Variants in ABCD3 observed in about 807,000 individuals in gnomAD.
The protein encoded by ABCD3 is ATP-binding cassette sub-family D member 3.
A neutral mutation model predicts 105.5 loss-of-function variants in ABCD3; 41 were observed. That is an observed-to-expected ratio of 0.39 (90% CI 0.30 to 0.50). The LOEUF (loss-of-function observed/expected upper bound fraction) is 0.50. Ranked by LOEUF, ABCD3 falls within the 20% of genes least tolerant of loss-of-function variation. ABCD3 has a pLI of 0.84. For synonymous variants in ABCD3, 258 were observed against 269.0 expected (o/e 0.96, Z 0.40); for missense variants, 622 against 806.3 (o/e 0.77, Z 2.77).
intron 21 of ABCD3, among the ~76,000 whole-genome samples, chr1:94,508,324 G>A (rs1400483834): frequency 6.6e-6 from 1 of 152,096 alleles, no homozygotes; most frequent in East Asian, 1.9e-4. Flanking sequence ...TTATTTCTGA[G>A]GGCTCTGTTC....
At chr1:94,406,340 G>GT in the ABCD3 span, 17,968 of 142,354 alleles carry the variant, frequency 0.13, 1,467 homozygotes, top group African/African-American at 0.25. Context: ...ATTTTGTTTT[G>GT]TTTTTTTTTT....
intron 1 of ABCD3, among the ~76,000 whole-genome samples, chr1:94,448,919 A>G (rs1210651625): frequency 6.6e-6 from 1 of 152,240 alleles, no homozygotes; most frequent in African/African-American, 2.4e-5. Context: ...CCCATATGCA[A>G]TTGAATCTAG....
chr1:94,434,078 A>G (rs1168531203), intron 1 of ABCD3, among the ~76,000 whole-genome samples: 1 of 152,114 alleles, frequency 6.6e-6, no homozygotes, highest in African/African-American at 2.4e-5. Context: ...TGGGTGAATC[A>G]TTGAGTGAGT....
At chr1:94,440,294 C>T (rs1660084263) in intron 1 of ABCD3, among the ~76,000 whole-genome samples, 1 of 152,180 alleles carries the variant, frequency 6.6e-6, no homozygotes, top group Admixed American at 6.5e-5. Flanking sequence ...TGCTCTACAG[C>T]ACCCTCTTCT....
the ABCD3 span, among the ~76,000 whole-genome samples, chr1:94,391,696 C>G: frequency 6.6e-6 from 1 of 152,304 alleles, no homozygotes; most frequent in African/African-American, 2.4e-5. Context: ...TTGTCAAGTG[C>G]CAGCTTCTCT....
chr1:94,450,249 A>T (rs762366606), intron 1 of ABCD3, among the ~76,000 whole-genome samples: 1 of 152,242 alleles, frequency 6.6e-6, no homozygotes, highest in Non-Finnish European at 1.5e-5. Flanking sequence ...GAAGTAGCTC[A>T]CTGTGACAAA....
chr1:94,506,491 TTTAGGTC>T (rs755475935), intron 20 of ABCD3, 40 bp from the exon 21 acceptor site: 75 of 1,146,966 alleles, frequency 6.5e-5, no homozygotes, highest in Non-Finnish European at 9.6e-5. Context: ...GCTTACTAAT[TTTAGGTC>T]TGCCTGTGTT....
intron 16 of ABCD3, among the ~76,000 whole-genome samples, chr1:94,497,494 G>A (rs1181796921): frequency 6.6e-6 from 1 of 152,156 alleles, no homozygotes; most frequent in African/African-American, 2.4e-5. Context: ...AGTGTTGTAA[G>A]CTAGAATTAT....
intron 20 of ABCD3, among the ~76,000 whole-genome samples, chr1:94,503,506 C>T (rs547133145): frequency 5.3e-5 from 8 of 152,222 alleles, no homozygotes; most frequent in Non-Finnish European, 8.8e-5. Context: ...TATCCCCTCC[C>T]GCAGCCCCCA....
At chr1:94,477,353 C>G (rs971748088) in intron 7 of ABCD3, among the ~76,000 whole-genome samples, 2 of 151,474 alleles carry the variant, frequency 1.3e-5, no homozygotes, top group Admixed American at 6.6e-5. Context: ...GTTGGCCGGG[C>G]ATAGTGGCTC....
chr1:94,394,238 A>T, the ABCD3 span, among the ~76,000 whole-genome samples: 1 of 152,194 alleles, frequency 6.6e-6, no homozygotes, highest in Non-Finnish European at 1.5e-5. Context: ...GCATAATGTA[A>T]CCAATGTAAT....
upstream of ABCD3, among the ~76,000 whole-genome samples, chr1:94,414,253 G>A (rs145493333): frequency 7.2e-5 from 11 of 152,274 alleles, 1 homozygote; most frequent in East Asian, 1.7e-3. Context: ...TGATGAGCAT[G>A]TACCACTTCT....
At chr1:94,466,733 CAT>C (rs1271051923) in intron 3 of ABCD3, among the ~76,000 whole-genome samples, 2 of 152,166 alleles carry the variant, frequency 1.3e-5, no homozygotes, top group African/African-American at 4.8e-5. Context: ...TGGAAAGATG[CAT>C]ATGTTACCTT....
intron 1 of ABCD3, among the ~76,000 whole-genome samples, chr1:94,443,714 C>T (rs1055210105): frequency 6.6e-6 from 1 of 152,084 alleles, no homozygotes; most frequent in Admixed American, 6.6e-5. Context: ...GTAATTTTCC[C>T]AGCACTGTTT....
intron 1 of ABCD3, among the ~76,000 whole-genome samples, chr1:94,450,200 CT>C (rs1660524643): frequency 6.6e-6 from 1 of 152,176 alleles, no homozygotes; most frequent in Non-Finnish European, 1.5e-5. Flanking sequence ...TGTTGTTTGT[CT>C]TTGTATAGTC....
chr1:94,475,554 G>T (rs1035906233), intron 6 of ABCD3, 60 bp from the exon 7 acceptor site: 20 of 1,539,414 alleles, frequency 1.3e-5, no homozygotes, highest in East Asian at 4.5e-5. Flanking sequence ...TGATTTTTTT[G>T]TTGTTGTTTT....
At chr1:94,447,463 G>A (rs143053457) in intron 1 of ABCD3, among the ~76,000 whole-genome samples, 426 of 152,322 alleles carry the variant, frequency 2.8e-3, no homozygotes, top group African/African-American at 9.8e-3. Context: ...GAGCAGGACT[G>A]TGAATGGTTT....
the ABCD3 span, among the ~76,000 whole-genome samples, chr1:94,402,719 C>T: frequency 6.6e-6 from 1 of 152,136 alleles, no homozygotes; most frequent in African/African-American, 2.4e-5. Flanking sequence ...TCTTTAGCCT[C>T]CTTTAATCTG....
chr1:94,416,796 T>C (rs1402891966), upstream of ABCD3, among the ~76,000 whole-genome samples: 1 of 152,228 alleles, frequency 6.6e-6, no homozygotes, highest in African/African-American at 2.4e-5. Context: ...CTTGTTTGAC[T>C]GTAGGCTGTT....
Sources: allele counts gnomAD v4.1 joint callset (sites outside exome capture counted in the v4.1 genomes callset), GRCh38; gene constraint gnomAD v4.1.1; transcripts MANE v1.5; gene names NCBI Gene and HGNC (gene_info 2026-07-23, HGNC 2026-07-21).